The following TMEM8B variants were observed in gnomAD, a reference collection of about 807,000 sequenced individuals.
The protein encoded by TMEM8B is transmembrane protein 8B, also known as nasopharyngeal carcinoma expressed 6.
TMEM8B carries 29 observed loss-of-function variants against 49.3 expected under a neutral mutation model. The observed-to-expected ratio is 0.59, with a 90% CI of 0.44 to 0.80. TMEM8B has a LOEUF of 0.80. Ranked by LOEUF, TMEM8B falls within the 30% of genes least tolerant of loss-of-function variation. The pLI, the probability that TMEM8B is intolerant of heterozygous loss-of-function variation, is 0.00. For missense variants in TMEM8B, 575 were observed against 658.5 expected (o/e 0.87, Z 1.39); for synonymous variants, 264 against 272.8 (o/e 0.97, Z 0.32).
chr9:35,839,757 A>T (rs983364298), intron 3 of TMEM8B, among the ~76,000 whole-genome samples: 2 of 152,104 alleles, frequency 1.3e-5, no homozygotes, highest in African/African-American at 4.8e-5. Context: ...GCAGTGACTT[A>T]TGAGAGTCTT....
In TMEM8B at chr9:35,842,734, G is replaced by A. The variant is rs1329806547; in HGVS notation, c.1635+17G>A. The A allele has an allele frequency of 6.3e-7, 1 of 1,591,508 alleles. No homozygotes were observed. Among genetic ancestry groups the A allele is most frequent in the African/African-American group, 1.3e-5 (1 of 74,326 alleles). ...CTCAATGCGGTACTCTTTATGGAGAGTGGGGAGGTTGCTCTGCCAGGGAGC... is the reference window on the plus strand; with the variant it reads ...CTCAATGCGGTACTCTTTATGGAGAATGGGGAGGTTGCTCTGCCAGGGAGC... On this transcript the variant is annotated intron_variant, in intron 6 of 12. Coordinates refer to ENST00000643932, the MANE Select transcript of TMEM8B (RefSeq NM_001042590.4). This position sits in a 1 kb window ranked among gnomAD's most constrained non-coding sequence, Gnocchi z 5.6.
chr9:35,830,805 C>T (rs889915523), intron 1 of TMEM8B, among the ~76,000 whole-genome samples: 1 of 152,220 alleles, frequency 6.6e-6, no homozygotes, highest in Non-Finnish European at 1.5e-5. Context: ...AGCCAAGGGC[C>T]ACCCTCCGGT....
In TMEM8B at chr9:35,846,538, C is replaced by A; in HGVS notation, c.1923C>A (p.Asp641Glu). Reference sequence around the variant, plus strand: ...CCTTCCTGTCCCCATGCGTGGACGACTGCGGGCCCTACGGCCAGTGCAAGC... The same window carrying A: ...CCTTCCTGTCCCCATGCGTGGACGAATGCGGGCCCTACGGCCAGTGCAAGC... The part of the protein sequence containing the change: ...MRTFLSPCVD[D>E]CGPYGQCKLL... Residue 641 changes from aspartate to glutamate, a missense_variant, in exon 9 of 13, where the codon GAC becomes GAA. By Grantham distance (45) the Asp-to-Glu change is conservative (BLOSUM62 2). Transcript: ENST00000643932. 1 of 1,581,934 alleles carries A rather than the reference C, an allele frequency of 6.3e-7. No individual in the cohort carries two copies.
rs1831090999 is a variant in TMEM8B, at chr9:35,842,288, C to T, written c.1310-104C>T. ...GGGACATCGCATTCTAGTTCTCATC[C>T]TTCCCCACTCTTTGCGAAATCCTGT... On this transcript the variant is annotated intron_variant, in intron 5 of 12. Coordinates refer to ENST00000643932, the MANE Select transcript of TMEM8B (RefSeq NM_001042590.4). The surrounding 1 kb of genome is among the most constrained non-coding windows in gnomAD (Gnocchi z 5.6). The T allele has an allele frequency of 1.2e-6, 1 of 866,262 alleles. No individual in the cohort carries two copies. Among genetic ancestry groups the T allele is most frequent in the African/African-American group, 1.7e-5 (1 of 58,532 alleles). The allele number at this position is 866,262 out of a possible 1,614,324, so 53.7% of individuals were successfully genotyped here. A position where few individuals can be genotyped will look rare whatever the true frequency, so the allele number is the denominator to read the frequency against.
intron 3 of TMEM8B, among the ~76,000 whole-genome samples, chr9:35,836,520 A>G (rs1830458653): frequency 6.6e-6 from 1 of 152,246 alleles, no homozygotes; most frequent in East Asian, 1.9e-4. Context: ...CTAGGTGAGC[A>G]GGAACCTAGG....
In TMEM8B at chr9:35,854,398, C is replaced by T. The variant is rs1404582402; in HGVS notation, c.*558C>T. ...TATCCTCGTTTGATACAGGTGGAGTCTGTGTGTCTCCAGTGATTGATTGGT... is the reference window on the plus strand; with the variant it reads ...TATCCTCGTTTGATACAGGTGGAGTTTGTGTGTCTCCAGTGATTGATTGGT... On this transcript the variant is annotated 3_prime_UTR_variant, in exon 13 of 13. Coordinates refer to ENST00000643932, the MANE Select transcript of TMEM8B (RefSeq NM_001042590.4). 1.3e-5 allele frequency: 2 copies of T among 153,248 alleles called. No individual in the cohort carries two copies. Among genetic ancestry groups the T allele is most frequent in the Non-Finnish European group, 2.9e-5 (2 of 68,576 alleles). 9.5% of individuals were successfully genotyped at this position (153,248 alleles called of 1,614,324 possible).
intron 10 of TMEM8B, among the ~76,000 whole-genome samples, chr9:35,849,335 G>T (rs1831925640): frequency 1.3e-5 from 2 of 152,160 alleles, no homozygotes; most frequent in South Asian, 4.1e-4. Flanking sequence ...GTTTACAGAT[G>T]TAAAATATGT....
In TMEM8B at chr9:35,862,063, A is replaced by T. The variant is rs1377837069; in HGVS notation, c.*8223A>T. ...ATTTTCTTGGTGATGTTTGGCAAAA[A>T]GTAAAGAATTCCCCAAGTGTGAAGC... On this transcript the variant is annotated 3_prime_UTR_variant, in exon 13 of 13. Transcript: ENST00000643932. The T allele has an allele frequency of 9.9e-5, 15 of 152,238 alleles. No individual in the cohort carries two copies. The highest frequency in any genetic ancestry group is 9.8e-4 in the Admixed American group (15 of 15,288). The allele number at this position is 152,238 out of a possible 1,614,324, so 9.4% of individuals were successfully genotyped here.
Position 35,842,574 on chromosome 9 carries a change from C to G in TMEM8B, c.1492C>G (p.Leu498Val). The change falls in exon 6 of 13, where the codon CTG (leucine) becomes GTG (valine). Residue 498 changes from leucine (L) to valine (V), a missense_variant. Leu to Val is a conservative substitution (Grantham distance 32). Transcript: ENST00000643932. The surrounding 1 kb of genome is among the most constrained non-coding windows in gnomAD (Gnocchi z 5.6). ...AGTGCGCCCGACTCTGCGCAACGAGCTGGACACCTTCTCTGTCCACTTCTA... is the reference window on the plus strand; with the variant it reads ...AGTGCGCCCGACTCTGCGCAACGAGGTGGACACCTTCTCTGTCCACTTCTA... ...WPVRPTLRNELDTFSVHFYIF... is the reference protein window; with the variant it reads ...WPVRPTLRNEVDTFSVHFYIF... 2 of 1,614,246 alleles carry G rather than the reference C, an allele frequency of 1.2e-6. No homozygotes were observed. Among genetic ancestry groups the G allele is most frequent in the Non-Finnish European group, 1.7e-6 (2 of 1,180,050 alleles).
chr9:35,849,697 C>T (rs1276279242), intron 10 of TMEM8B, among the ~76,000 whole-genome samples: 1 of 152,206 alleles, frequency 6.6e-6, no homozygotes, highest in African/African-American at 2.4e-5. Context: ...ACTTCAGTTT[C>T]TCTTAAGTCC....
At position 35,853,719 on chromosome 9, in the gene TMEM8B, A is replaced by C; in HGVS notation, c.2654A>C (p.His885Pro). ...FLLPPRAKTDHGVPSGARARG... is the reference protein window; with the variant it reads ...FLLPPRAKTDPGVPSGARARG... ...CTGCCCCCTCGTGCCAAGACTGACC[A>C]CGGGGTCCCATCTGGAGCCCGGGCC... Residue 885 changes from histidine to proline, a missense_variant, in exon 13 of 13, where the codon CAC becomes CCC. Physicochemically the swap from His to Pro is moderately conservative, Grantham distance 77. Coordinates refer to ENST00000643932, the MANE Select transcript of TMEM8B (RefSeq NM_001042590.4). This position sits in a 1 kb window ranked among gnomAD's most constrained non-coding sequence, Gnocchi z 4.2. 1 of 1,613,966 alleles carries C rather than the reference A, an allele frequency of 6.2e-7. No individual in the cohort carries two copies. The highest frequency in any genetic ancestry group is 8.5e-7 in the Non-Finnish European group (1 of 1,179,930).
At chr9:35,847,473 G>A (rs987606875) in intron 10 of TMEM8B, among the ~76,000 whole-genome samples, 1 of 152,208 alleles carries the variant, frequency 6.6e-6, no homozygotes, top group African/African-American at 2.4e-5. Context: ...TCGCACTGGG[G>A]ACCTGCACAT....
At chr9:35,839,363 G>T (rs940062037) in intron 3 of TMEM8B, among the ~76,000 whole-genome samples, 1 of 152,216 alleles carries the variant, frequency 6.6e-6, no homozygotes, top group Non-Finnish European at 1.5e-5. Context: ...GCTCAGCTGG[G>T]ACTCTCTCAC....
Position 35,841,537 on chromosome 9 carries a change from C to G in TMEM8B, c.1052C>G (p.Pro351Arg), listed in dbSNP as rs574359391. 2.4e-6 allele frequency: 1 copy of G among 416,844 alleles called. No individual in the cohort carries two copies. The highest frequency in any genetic ancestry group is 2.1e-5 in the African/African-American group (1 of 48,690). 25.8% of individuals were successfully genotyped at this position (416,844 alleles called of 1,614,324 possible). Residue 351 changes from proline to arginine, a missense_variant, in exon 5 of 13, where the codon CCC becomes CGC. Coordinates refer to ENST00000643932, the MANE Select transcript of TMEM8B (RefSeq NM_001042590.4). This position sits in a 1 kb window ranked among gnomAD's most constrained non-coding sequence, Gnocchi z 5.9. ...TCTCCTCTGCCCAGGGTCTTTGTGC[C>G]CAGCTTCACTTACAGGGTTTCAGCA... ...NRSALYKVFV[P>R]SFTYRVSAQL...
intron 1 of TMEM8B, among the ~76,000 whole-genome samples, chr9:35,834,198 G>A (rs1830210541): frequency 6.6e-6 from 1 of 152,046 alleles, no homozygotes; most frequent in African/African-American, 2.4e-5. Flanking sequence ...TCCTCAGTTT[G>A]GTCTAGGTTT....
chr9:35,840,604 G>A (rs1300409241), intron 3 of TMEM8B, among the ~76,000 whole-genome samples: 1 of 152,156 alleles, frequency 6.6e-6, no homozygotes, highest in Non-Finnish European at 1.5e-5. Context: ...GAAAGCAGAG[G>A]CTGGACAAGC....
At position 35,858,727 on chromosome 9, in the gene TMEM8B, T is replaced by G. The variant is rs1832598353; in HGVS notation, c.*4887T>G. On this transcript the variant is annotated 3_prime_UTR_variant, in exon 13 of 13. Coordinates refer to ENST00000643932, the MANE Select transcript of TMEM8B (RefSeq NM_001042590.4). ...GTCCTGTGCCTTCCTGTTGCCATTG[T>G]GTTGGCCACTGAAATGTAGGTGGAG... 1.3e-5 allele frequency: 2 copies of G among 152,276 alleles called. No individual in the cohort carries two copies. Among genetic ancestry groups the G allele is most frequent in the South Asian group, 4.1e-4 (2 of 4,828 alleles). The allele number at this position is 152,276 out of a possible 1,614,324, so 9.4% of individuals were successfully genotyped here.
At position 35,859,772 on chromosome 9, in the gene TMEM8B, G is replaced by C. The variant is rs984333489; in HGVS notation, c.*5932G>C. 6.5e-6 allele frequency: 1 copy of C among 154,330 alleles called. No individual in the cohort carries two copies. Among genetic ancestry groups the C allele is most frequent in the African/African-American group, 2.4e-5 (1 of 41,472 alleles). The allele number at this position is 154,330 out of a possible 1,614,324, so 9.6% of individuals were successfully genotyped here. On this transcript the variant is annotated 3_prime_UTR_variant, in exon 13 of 13. Transcript: ENST00000643932. ...GAGGCACAAAGGAGGAGGTGCCGCAGATGTCCATGAGGGAGAGGTTGCTGA... is the reference window on the plus strand; with the variant it reads ...GAGGCACAAAGGAGGAGGTGCCGCACATGTCCATGAGGGAGAGGTTGCTGA...
chr9:35,831,039 A>G (rs10758326), intron 1 of TMEM8B, among the ~76,000 whole-genome samples: 95,078 of 152,048 alleles, frequency 0.63, 29,880 homozygotes, highest in East Asian at 0.75. Context: ...AGCCAACAGA[A>G]CAGCTGGGGG....
Sources: allele counts gnomAD v4.1 joint callset (sites outside exome capture counted in the v4.1 genomes callset), GRCh38; gene constraint gnomAD v4.1.1; non-coding constraint Gnocchi (gnomAD v3.1); transcripts MANE v1.5; gene names NCBI Gene and HGNC (gene_info 2026-07-23, HGNC 2026-07-21).